The following STXBP5 variants were observed in gnomAD, a reference collection of about 807,000 sequenced individuals.
STXBP5 encodes syntaxin binding protein 5.
A neutral mutation model predicts 152.4 loss-of-function variants in STXBP5; 50 were observed. The ratio of observed to expected loss-of-function variants is 0.33; its 90% confidence interval spans 0.26 to 0.42. The LOEUF (loss-of-function observed/expected upper bound fraction) is 0.42. STXBP5 is among the 10% of genes least tolerant of loss of function. The pLI, the probability that STXBP5 is intolerant of heterozygous loss-of-function variation, is 1.00. For missense variants in STXBP5, 1,167 were observed against 1,388.6 expected (o/e 0.84, Z 2.54); for synonymous variants, 492 against 494.7 (o/e 0.99, Z 0.07).
chr6:147,374,283 A>G (rs575199057), intron 26 of STXBP5, among the ~76,000 whole-genome samples: 8 of 152,350 alleles, frequency 5.3e-5, no homozygotes, highest in African/African-American at 1.9e-4. Flanking sequence ...CACGTAGTTG[A>G]TACAAGTAAA....
chr6:147,360,576 A>G (rs1785019929), intron 23 of STXBP5, among the ~76,000 whole-genome samples: 1 of 152,174 alleles, frequency 6.6e-6, no homozygotes, highest in African/African-American at 2.4e-5. Flanking sequence ...ACCTCAAGCA[A>G]AAGAATGCTA....
At chr6:147,232,594 G>A (rs1467260303) in intron 2 of STXBP5, among the ~76,000 whole-genome samples, 1 of 151,748 alleles carries the variant, frequency 6.6e-6, no homozygotes, top group Non-Finnish European at 1.5e-5. Context: ...AATGAAATAA[G>A]TAACTTTGAG....
chr6:147,251,202 C>T (rs1312094199), intron 4 of STXBP5, among the ~76,000 whole-genome samples: 1 of 152,148 alleles, frequency 6.6e-6, no homozygotes, highest in Non-Finnish European at 1.5e-5. Context: ...ACTCCCTCCC[C>T]TAGCCACGGG....
intron 25 of STXBP5, 111 bp downstream of exon 25, chr6:147,364,277 GA>G (rs1259051712): frequency 1.1e-6 from 1 of 941,994 alleles, no homozygotes; most frequent in African/African-American, 1.7e-5. Context: ...GCCTGCTTGG[GA>G]AAATCCAGAC....
At chr6:147,380,437 A>T (rs1032219270) in intron 26 of STXBP5, among the ~76,000 whole-genome samples, 2 of 150,678 alleles carry the variant, frequency 1.3e-5, no homozygotes, top group African/African-American at 4.9e-5. Flanking sequence ...TGTTGGAATA[A>T]CTAGATATTC....
intron 9 of STXBP5, among the ~76,000 whole-genome samples, chr6:147,305,935 A>C (rs1782068331): frequency 6.6e-6 from 1 of 152,232 alleles, no homozygotes; most frequent in East Asian, 1.9e-4. Context: ...AAAATCAGTA[A>C]TGCAGACAAT....
chr6:147,215,625 G>T (rs1009389889), intron 2 of STXBP5, among the ~76,000 whole-genome samples: 2 of 152,066 alleles, frequency 1.3e-5, no homozygotes, highest in Admixed American at 6.6e-5. Flanking sequence ...CAAACCATCC[G>T]CCCACCTCAG....
chr6:147,306,503 AT>A (rs1348764008), intron 9 of STXBP5, among the ~76,000 whole-genome samples: 4 of 152,224 alleles, frequency 2.6e-5, no homozygotes, highest in African/African-American at 7.2e-5. Flanking sequence ...ACTCAACTGA[AT>A]GCTATCATAC....
At chr6:147,221,016 CTTTCTTAGCATATCAG>C (rs943156924) in intron 2 of STXBP5, among the ~76,000 whole-genome samples, 2 of 151,966 alleles carry the variant, frequency 1.3e-5, no homozygotes, top group Non-Finnish European at 2.9e-5. Flanking sequence ...ATTTTCTCTC[CTTTCTTAGCATATCAG>C]TTTCTTAGCA....
intron 18 of STXBP5, 122 bp downstream of exon 18, chr6:147,327,398 C>G (rs377386020): frequency 8.7e-7 from 1 of 1,155,642 alleles, no homozygotes; most frequent in Non-Finnish European, 1.2e-6. Flanking sequence ...TATATATAAA[C>G]TGCCAAAAAC....
chr6:147,329,706 A>G (rs1783464812), intron 18 of STXBP5, among the ~76,000 whole-genome samples: 1 of 131,972 alleles, frequency 7.6e-6, no homozygotes, highest in African/African-American at 2.9e-5. Context: ...GCTCACTGCA[A>G]GCTCCGCCTC....
chr6:147,300,757 G>A (rs988438345), intron 9 of STXBP5, among the ~76,000 whole-genome samples: 3 of 151,778 alleles, frequency 2.0e-5, no homozygotes, highest in Non-Finnish European at 4.4e-5. Flanking sequence ...AGATTTTTTT[G>A]GATAGAACCT....
chr6:147,304,013 T>C (rs1248856506), intron 9 of STXBP5, among the ~76,000 whole-genome samples: 1 of 152,178 alleles, frequency 6.6e-6, no homozygotes, highest in Admixed American at 6.6e-5. Context: ...AGCCTGATGA[T>C]GTTCTAGAAA....
chr6:147,316,921 A>T lies in STXBP5; in HGVS notation c.1802+514A>T, dbSNP rs191556456. Among the ~76,000 whole-genome samples the T allele has an allele frequency of 2.5e-3, 382 of 152,290 alleles. 1 individual carries two copies. The highest frequency in any genetic ancestry group is 8.3e-3 in the African/African-American group (346 of 41,560). ...ACAGAGATAAATTGGATGAAGTTTT[A>T]TTTTTTCTGTCCAATTTTTATTATT... On this transcript the variant is annotated intron_variant, in intron 16 of 27. Transcript: ENST00000321680.
rs1312439796 is a variant in STXBP5, at chr6:147,354,295, G to A, written c.2305+922G>A. Among the ~76,000 whole-genome samples the A allele has an allele frequency of 1.3e-5, 2 of 152,172 alleles. 1 individual carries two copies. Among genetic ancestry groups the A allele is most frequent in the East Asian group, 3.9e-4 (2 of 5,176 alleles). The stretch of plus-strand genomic sequence containing the variant: ...TCAGTTATGCTGATAGAAAGCATGT[G>A]GTTATGAGTGAGTAGGCATACAATA... On this transcript the variant is annotated intron_variant, in intron 22 of 27. Coordinates refer to ENST00000321680, the MANE Select transcript of STXBP5 (RefSeq NM_001127715.4).
At chr6:147,316,448 TTTTAA>T in intron 16 of STXBP5, 41 bp downstream of exon 16, 1 of 1,402,436 alleles carries the variant, frequency 7.1e-7, no homozygotes, top group Non-Finnish European at 9.4e-7. Flanking sequence ...GGATATTATC[TTTTAA>T]TTTATATAAA....
At chr6:147,295,330 A>C (rs980850584) in intron 9 of STXBP5, among the ~76,000 whole-genome samples, 11 of 152,190 alleles carry the variant, frequency 7.2e-5, no homozygotes, top group Non-Finnish European at 8.8e-5. Flanking sequence ...AGAAATGATC[A>C]CCATTCAAAT....
chr6:147,291,319 T>A, intron 9 of STXBP5, 147 bp downstream of exon 9: 1 of 536,348 alleles, frequency 1.9e-6, no homozygotes, highest in Non-Finnish European at 3.1e-6. Context: ...ACAAAAGAAG[T>A]AAAATTGGTA....
chr6:147,231,867 T>A (rs1232986308), intron 2 of STXBP5, among the ~76,000 whole-genome samples: 1 of 151,870 alleles, frequency 6.6e-6, no homozygotes, highest in Admixed American at 6.6e-5. Flanking sequence ...TTAGGAAGAA[T>A]CATGTGTGCA....
Sources: gnomAD v4.1 joint callset for allele counts (sites outside exome capture counted in the v4.1 genomes callset) on GRCh38, gnomAD v4.1.1 for gene constraint, MANE v1.5 for transcripts, NCBI Gene and HGNC (gene_info 2026-07-23, HGNC 2026-07-21) for gene names.